The following PLEKHM3 variants were observed in gnomAD, a reference collection of about 807,000 sequenced individuals.
PLEKHM3 encodes the protein pleckstrin homology domain containing M3.
Under a neutral mutation model 81.8 loss-of-function variants are expected in PLEKHM3, and 45 were observed. That is an observed-to-expected ratio of 0.55 (90% CI 0.43 to 0.71). The LOEUF (loss-of-function observed/expected upper bound fraction) is 0.71. Ranked by LOEUF, PLEKHM3 falls within the 30% of genes least tolerant of loss-of-function variation. PLEKHM3 has a pLI of 0.00. For missense variants in PLEKHM3, 788 were observed against 924.3 expected (o/e 0.85, Z 1.91); for synonymous variants, 352 against 356.4 (o/e 0.99, Z 0.14).
intron 2 of PLEKHM3, among the ~76,000 whole-genome samples, chr2:207,998,697 C>T (rs578153277): frequency 6.6e-6 from 1 of 152,242 alleles, no homozygotes; most frequent in East Asian, 1.9e-4. Context: ...GTTGAGCACT[C>T]AAAGGAGTAG....
intron 6 of PLEKHM3, among the ~76,000 whole-genome samples, chr2:207,884,461 A>G (rs1358283361): frequency 6.6e-6 from 1 of 152,230 alleles, no homozygotes; most frequent in Non-Finnish European, 1.5e-5. Context: ...TGATGACACA[A>G]AAGTTAGAAA....
intron 1 of PLEKHM3, among the ~76,000 whole-genome samples, chr2:208,024,923 T>A (rs1440079660): frequency 6.6e-6 from 1 of 152,238 alleles, no homozygotes; most frequent in Non-Finnish European, 1.5e-5. Context: ...TTTAGCTTAA[T>A]AATTCTTTCC....
At position 208,001,517 on chromosome 2, in the gene PLEKHM3, T is replaced by G. The variant is rs1198587601; in HGVS notation, c.123A>C (p.Glu41Asp). The stretch of plus-strand genomic sequence containing the variant: ...CCTCATGCCCCACCAGTTCAGGGAC[T>G]TCCTGGATCCCATAAACCTCTGCCT... ...VQQAEVYGIQ[E>D]VPELVGHEVL... Residue 41 changes from glutamate to aspartate, a missense_variant, in exon 2 of 8, where the codon GAA becomes GAC. By Grantham distance (45) the Glu-to-Asp change is conservative. Transcript: ENST00000427836. 3.7e-6 allele frequency: 6 copies of G among 1,614,094 alleles called. No individual in the cohort carries two copies. Among genetic ancestry groups the G allele is most frequent in the Non-Finnish European group, 5.1e-6 (6 of 1,180,036 alleles).
intron 2 of PLEKHM3, among the ~76,000 whole-genome samples, chr2:207,984,315 T>G (rs1691641548): frequency 6.6e-6 from 1 of 152,342 alleles, no homozygotes; most frequent in South Asian, 2.1e-4. Context: ...ATACGATACT[T>G]TTTTCACACC....
At chr2:207,901,451 T>C (rs1688423711) in intron 6 of PLEKHM3, 1 of 656,734 alleles carries the variant, frequency 1.5e-6, no homozygotes, top group African/African-American at 1.8e-5. Context: ...AGTAAGGACA[T>C]CAAGACTGAA....
chr2:207,972,025 T>C (rs533847707), intron 3 of PLEKHM3, among the ~76,000 whole-genome samples: 168 of 152,332 alleles, frequency 1.1e-3, no homozygotes, highest in African/African-American at 4.0e-3. Context: ...TCTGTAGCAA[T>C]TGTCACAGCT....
intron 5 of PLEKHM3, 119 bp from the exon 6 acceptor site, chr2:207,908,696 A>G: frequency 1.2e-6 from 1 of 815,656 alleles, no homozygotes; most frequent in Non-Finnish European, 1.9e-6. Context: ...TTCCACCTAT[A>G]CTTCTCCTAA....
chr2:207,903,861 G>T (rs955386761), intron 6 of PLEKHM3, among the ~76,000 whole-genome samples: 1 of 152,172 alleles, frequency 6.6e-6, no homozygotes. Flanking sequence ...TGAGAGTTAC[G>T]GTACAAGTCT....
intron 3 of PLEKHM3, among the ~76,000 whole-genome samples, chr2:207,961,701 G>A (rs77727955): frequency 0.025 from 3,780 of 152,186 alleles, 151 homozygotes; most frequent in African/African-American, 0.085. Context: ...TCTGAGTTGC[G>A]GCTCTGAGAG....
chr2:207,988,708 C>T (rs778572738), intron 2 of PLEKHM3, among the ~76,000 whole-genome samples: 1 of 152,200 alleles, frequency 6.6e-6, no homozygotes. Context: ...TGACCTACCC[C>T]CTTATGGCTG....
intron 3 of PLEKHM3, among the ~76,000 whole-genome samples, chr2:207,964,269 A>G (rs1367602627): frequency 3.9e-5 from 6 of 151,980 alleles, no homozygotes; most frequent in African/African-American, 1.4e-4. Flanking sequence ...CTTCGTATGC[A>G]CTCAAATCAA....
chr2:207,936,901 C>T (rs1202017420), intron 4 of PLEKHM3, among the ~76,000 whole-genome samples: 1 of 148,504 alleles, frequency 6.7e-6, no homozygotes, highest in Non-Finnish European at 1.5e-5. Context: ...ATGTAAAATT[C>T]ATGAAATATT....
intron 2 of PLEKHM3, among the ~76,000 whole-genome samples, chr2:207,989,928 T>C (rs1691843896): frequency 1.3e-5 from 2 of 152,198 alleles, no homozygotes; most frequent in African/African-American, 4.8e-5. Context: ...GCTGATGGCA[T>C]GGAGGAGCAG....
At chr2:207,910,860 T>C (rs1337273841) in intron 5 of PLEKHM3, among the ~76,000 whole-genome samples, 1 of 151,990 alleles carries the variant, frequency 6.6e-6, no homozygotes, top group Non-Finnish European at 1.5e-5. Flanking sequence ...GTGAAAGGAA[T>C]GAGTGGGTAG....
At chr2:207,849,675 C>T (rs2092402171) in intron 7 of PLEKHM3, among the ~76,000 whole-genome samples, 1 of 152,168 alleles carries the variant, frequency 6.6e-6, no homozygotes, top group Non-Finnish European at 1.5e-5. Flanking sequence ...CAGTGAAACA[C>T]CTTAAATGGT....
chr2:207,842,270 T>C (rs964013925), intron 7 of PLEKHM3, among the ~76,000 whole-genome samples: 1 of 152,208 alleles, frequency 6.6e-6, no homozygotes, highest in African/African-American at 2.4e-5. Flanking sequence ...ATAAGGTTTA[T>C]TTAAAATGAG....
intron 1 of PLEKHM3, among the ~76,000 whole-genome samples, chr2:208,004,417 C>CAAA (rs11289003): frequency 4.2e-5 from 6 of 143,056 alleles, no homozygotes; most frequent in Non-Finnish European, 4.5e-5. Flanking sequence ...TGCCCTGTCT[C>CAAA]AAAAAAAAAA....
chr2:207,986,838 A>ATTTT (rs370986896), intron 2 of PLEKHM3, among the ~76,000 whole-genome samples: 40 of 126,278 alleles, frequency 3.2e-4, no homozygotes, highest in African/African-American at 6.1e-4. Flanking sequence ...TGCCCAGCTA[A>ATTTT]TTTTTTTTTT....
At chr2:208,017,170 C>T (rs1692950499) in intron 1 of PLEKHM3, among the ~76,000 whole-genome samples, 1 of 152,082 alleles carries the variant, frequency 6.6e-6, no homozygotes, top group South Asian at 2.1e-4. Flanking sequence ...GATGTGGATC[C>T]CACAGATGTA....
Sources: gnomAD v4.1 joint callset for allele counts (sites outside exome capture counted in the v4.1 genomes callset) on GRCh38, gnomAD v4.1.1 for gene constraint, MANE v1.5 for transcripts, NCBI Gene and HGNC (gene_info 2026-07-23, HGNC 2026-07-21) for gene names.